The following THEMIS2 variants were observed in gnomAD, a reference collection of about 807,000 sequenced individuals.
THEMIS2 encodes the protein thymocyte selection associated family member 2.
In THEMIS2, 29 loss-of-function variants were observed where a neutral mutation model predicts 46.8. That is an observed-to-expected ratio of 0.62 (90% CI 0.46 to 0.84). The LOEUF (loss-of-function observed/expected upper bound fraction) is 0.84. THEMIS2 is among the 40% of genes least tolerant of loss of function. The pLI is 0.00. For synonymous variants in THEMIS2, 335 were observed against 349.1 expected (o/e 0.96, Z 0.45); for missense variants, 698 against 834.7 (o/e 0.84, Z 2.02).
intron 3 of THEMIS2, among the ~76,000 whole-genome samples, 170 bp from the exon 4 acceptor site, chr1:27,881,801 C>A (rs35250731): frequency 0.3 from 45,559 of 151,280 alleles, 7,955 homozygotes; most frequent in Middle Eastern, 0.43. Context: ...GCATTCCAGC[C>A]TGTGCGACAA....
chr1:27,882,080 C>T lies in THEMIS2; in HGVS notation c.756C>T (p.Val252=), dbSNP rs1436464413. ...HFIKPLLLSE[V]LAWEGPFPLS... ...TCAAACCGCTGCTGCTGAGCGAGGT[C>T]CTGGCCTGGGAAGGCCCTTTCCCCC... The change falls in exon 4 of 6, where the codon GTC becomes GTT. Residue 252 remains valine (V), a synonymous_variant. Coordinates refer to ENST00000373921, the MANE Select transcript of THEMIS2 (RefSeq NM_001105556.3). This position sits in a 1 kb window ranked among gnomAD's most constrained non-coding sequence, Gnocchi z 7.6. 6.2e-7 allele frequency: 1 copy of T among 1,614,234 alleles called. No individual in the cohort carries two copies. The highest frequency in any genetic ancestry group is 8.5e-7 in the Non-Finnish European group (1 of 1,180,036).
Position 27,882,097 on chromosome 1 carries a change from C to G in THEMIS2, c.773C>G (p.Pro258Arg), listed in dbSNP as rs755490293. The G allele has an allele frequency of 2.5e-6, 4 of 1,614,232 alleles. No individual in the cohort carries two copies. Among genetic ancestry groups the G allele is most frequent in the Non-Finnish European group, 3.4e-6 (4 of 1,180,030 alleles). ...LLSEVLAWEG[P>R]FPLSMEILEV... ...AGCGAGGTCCTGGCCTGGGAAGGCC[C>G]TTTCCCCCTGTCCATGGAGATCCTG... Residue 258 changes from proline to arginine, a missense_variant, in exon 4 of 6, where the codon CCT (proline) becomes CGT (arginine). Transcript: ENST00000373921. This position sits in a 1 kb window ranked among gnomAD's most constrained non-coding sequence, Gnocchi z 7.6.
At position 27,882,029 on chromosome 1, in the gene THEMIS2, C is replaced by T. The variant is rs749430113; in HGVS notation, c.705C>T (p.Thr235=). The T allele has an allele frequency of 6.2e-6, 10 of 1,613,982 alleles. No individual in the cohort carries two copies. Among genetic ancestry groups the T allele is most frequent in the East Asian group, 2.2e-5 (1 of 44,866 alleles). The stretch of plus-strand genomic sequence containing the variant: ...TGGAGGTCGACGTGGAGGACGTCAC[C>T]GCCTCCTCCCGGCACGTCCACTTTA... ...STLEVDVEDV[T]ASSRHVHFIK... Residue 235 remains threonine, a synonymous_variant, in exon 4 of 6, where the codon ACC becomes ACT. Coordinates refer to ENST00000373921, the MANE Select transcript of THEMIS2 (RefSeq NM_001105556.3). The surrounding 1 kb of genome is among the most constrained non-coding windows in gnomAD (Gnocchi z 7.6).
At chr1:27,877,761 C>G (rs2089607637) in intron 2 of THEMIS2, among the ~76,000 whole-genome samples, 1 of 152,214 alleles carries the variant, frequency 6.6e-6, no homozygotes, top group Non-Finnish European at 1.5e-5. Context: ...TGGGACCTCC[C>G]TGGGCCTCAG....
chr1:27,883,122 T>C, intron 4 of THEMIS2, 79 bp downstream of exon 4: 1 of 1,260,982 alleles, frequency 7.9e-7, no homozygotes, highest in Non-Finnish European at 1.1e-6. Context: ...CCTGTCATGT[T>C]TCTCTTGCAA....
intron 2 of THEMIS2, among the ~76,000 whole-genome samples, chr1:27,879,357 GTCTGTCAGGGAATGTGTCCCTCT>G (rs2089638498): frequency 6.6e-6 from 1 of 152,096 alleles, no homozygotes; most frequent in Non-Finnish European, 1.5e-5. Context: ...AGTCTAGTGT[GTCTGTCAGGGAATGTGTCCCTCT>G]TCCATTCTCT....
chr1:27,881,060 G>A (rs185309289), intron 3 of THEMIS2, among the ~76,000 whole-genome samples: 1,775 of 152,046 alleles, frequency 0.012, 43 homozygotes, highest in African/African-American at 0.04. Context: ...GATTACAGGC[G>A]TGAGCCACCG....
In THEMIS2 at chr1:27,872,741, A is replaced by G. The variant is rs367883426; in HGVS notation, c.94+76A>G. 2.6e-6 allele frequency: 3 copies of G among 1,174,480 alleles called. No homozygotes were observed. In the East Asian group the frequency reaches 9.6e-5, roughly 38 times the overall value. 72.8% of individuals were successfully genotyped at this position (1,174,480 alleles called of 1,614,324 possible). On this transcript the variant is annotated intron_variant, in intron 1 of 5. Transcript: ENST00000373921. This position sits in a 1 kb window ranked among gnomAD's most constrained non-coding sequence, Gnocchi z 4.9. ...GCAGAGACCCGGAGAAGACGTTAGC[A>G]ATCCGGGGAAACTGCCCCTGGGTTC...
rs1282974609 is a variant in THEMIS2, at chr1:27,879,786, G to A, written c.378G>A (p.Glu126=). ...RIVTEGRVVT[E]DQLLMLEAVV... ...TCACAGAGGGCAGGGTGGTGACTGA[G>A]GACCAGCTCCTCATGCTTGAGGCTG... Residue 126 remains glutamate, a synonymous_variant, in exon 3 of 6, where the codon GAG becomes GAA. Transcript: ENST00000373921. The A allele has an allele frequency of 6.2e-7, 1 of 1,614,194 alleles. No individual in the cohort carries two copies. The highest frequency in any genetic ancestry group is 2.2e-5 in the East Asian group (1 of 44,876).
intron 3 of THEMIS2, 130 bp from the exon 4 acceptor site, chr1:27,881,840 CT>C: frequency 1.4e-6 from 1 of 690,818 alleles, no homozygotes; most frequent in Non-Finnish European, 2.3e-6. Context: ...GAAACTCCAT[CT>C]CAAAAAAAAA....
At chr1:27,885,576 G>A (rs2089756425) in intron 5 of THEMIS2, 125 bp downstream of exon 5, 3 of 1,255,678 alleles carry the variant, frequency 2.4e-6, no homozygotes, top group Admixed American at 5.6e-5. Flanking sequence ...TGATGGACAG[G>A]CCTCTATGGG....
rs372894304 is a variant in THEMIS2 at position 27,879,746 on chromosome 1, C to T, written c.338C>T (p.Ser113Leu). Residue 113 changes from serine to leucine, a missense_variant, in exon 3 of 6, where the codon TCG becomes TTG. Transcript: ENST00000373921. ...SSKQLPTCFMSTHRIVTEGRV... is the reference protein window; with the variant it reads ...SSKQLPTCFMLTHRIVTEGRV... ...AAGCAGCTGCCCACTTGCTTCATGTCGACCCACAGGATTGTCACAGAGGGC... is the reference window on the plus strand; with the variant it reads ...AAGCAGCTGCCCACTTGCTTCATGTTGACCCACAGGATTGTCACAGAGGGC... 5.0e-6 allele frequency: 8 copies of T among 1,614,112 alleles called. No homozygotes were observed. Among genetic ancestry groups the T allele is most frequent in the Admixed American group, 3.3e-5 (2 of 60,016 alleles).
rs995992153 is a variant in THEMIS2 at position 27,872,945 on chromosome 1, C to G, written c.94+280C>G. 2.0e-5 allele frequency among the ~76,000 whole-genome samples: 3 copies of G among 152,130 alleles called. No individual in the cohort carries two copies. Among genetic ancestry groups the G allele is most frequent in the Admixed American group, 1.3e-4 (2 of 15,288 alleles). On this transcript the variant is annotated intron_variant, in intron 1 of 5. Coordinates refer to ENST00000373921, the MANE Select transcript of THEMIS2 (RefSeq NM_001105556.3). The surrounding 1 kb of genome is among the most constrained non-coding windows in gnomAD (Gnocchi z 4.9). ...CAGCCGGGCCACTCCTAGGTGGCCC[C>G]GCGGTGCGCATGGGACAGAGCTCCG...
chr1:27,875,539 T>G (rs2089560111), intron 1 of THEMIS2, among the ~76,000 whole-genome samples: 1 of 152,066 alleles, frequency 6.6e-6, no homozygotes, highest in African/African-American at 2.4e-5. Flanking sequence ...GCCCTGTGGG[T>G]GGGGCTGGGT....
chr1:27,885,959 C>T lies in THEMIS2; in HGVS notation c.*37C>T. 3 of 1,606,680 alleles carry T rather than the reference C, an allele frequency of 1.9e-6. No individual in the cohort carries two copies. Among genetic ancestry groups the T allele is most frequent in the African/African-American group, 1.3e-5 (1 of 74,884 alleles). ...ACCACGCTTCCTAACTGCTGCTTCT[C>T]AGGGAATCCGACACCAGCCAACCAT... is the stretch of plus-strand genomic sequence containing the variant. On this transcript the variant is annotated 3_prime_UTR_variant, in exon 6 of 6. Transcript: ENST00000373921.
intron 4 of THEMIS2, chr1:27,885,026 T>G: frequency 2.9e-6 from 1 of 339,686 alleles, no homozygotes; most frequent in Non-Finnish European, 5.5e-6. Flanking sequence ...TAAAGGACAT[T>G]GACCAAATTC....
chr1:27,877,399 C>G (rs942218534), intron 2 of THEMIS2, among the ~76,000 whole-genome samples: 1 of 152,136 alleles, frequency 6.6e-6, no homozygotes, highest in Non-Finnish European at 1.5e-5. Flanking sequence ...GATCTGGACT[C>G]ACTGCAAGCT....
chr1:27,882,551 G>A lies in THEMIS2; in HGVS notation c.1227G>A (p.Glu409=). 4.3e-6 allele frequency: 7 copies of A among 1,614,142 alleles called. No homozygotes were observed. Among genetic ancestry groups the A allele is most frequent in the Non-Finnish European group, 5.9e-6 (7 of 1,180,016 alleles). ...SDQAGEDEEE[E]CKEEAESPER... ...AGGCTGGGGAGGATGAGGAGGAAGA[G>A]TGCAAAGAGGAGGCAGAGAGCCCAG... The change falls in exon 4 of 6, where the codon GAG becomes GAA. Residue 409 remains glutamate, a synonymous_variant. Coordinates refer to ENST00000373921, the MANE Select transcript of THEMIS2 (RefSeq NM_001105556.3). This position sits in a 1 kb window ranked among gnomAD's most constrained non-coding sequence, Gnocchi z 7.6.
chr1:27,880,292 C>G (rs1466988032), intron 3 of THEMIS2, among the ~76,000 whole-genome samples: 1 of 152,196 alleles, frequency 6.6e-6, no homozygotes, highest in Non-Finnish European at 1.5e-5. Context: ...TCAAGCGATT[C>G]TCCTGCCTCA....
Sources: gnomAD v4.1 joint callset for allele counts (sites outside exome capture counted in the v4.1 genomes callset) on GRCh38, gnomAD v4.1.1 for gene constraint, Gnocchi (gnomAD v3.1) non-coding constraint, MANE v1.5 for transcripts, NCBI Gene and HGNC (gene_info 2026-07-23, HGNC 2026-07-21) for gene names.